The following PTBP2 variants were observed in gnomAD, a reference collection of about 807,000 sequenced individuals.
PTBP2 encodes polypyrimidine tract-binding protein 2.
A neutral mutation model predicts 61.4 loss-of-function variants in PTBP2; 13 were observed. The ratio of observed to expected loss-of-function variants is 0.21; its 90% CI spans 0.14 to 0.34. The LOEUF (loss-of-function observed/expected upper bound fraction) is 0.34. Ranked by LOEUF, PTBP2 falls within the 10% of genes least tolerant of loss-of-function variation. The pLI, the probability that PTBP2 is intolerant of heterozygous loss-of-function variation, is 1.00. For synonymous variants in PTBP2, 215 were observed against 218.5 expected (o/e 0.98, Z 0.14); for missense variants, 405 against 642.6 (o/e 0.63, Z 4.00).
intron 2 of PTBP2, among the ~76,000 whole-genome samples, chr1:96,728,922 A>C (rs1213718352): frequency 6.6e-6 from 1 of 151,804 alleles, no homozygotes; most frequent in East Asian, 1.9e-4. Flanking sequence ...TTAAAAACTT[A>C]ATTTCCAATT....
chr1:96,759,164 T>C (rs1449175679), intron 3 of PTBP2, among the ~76,000 whole-genome samples: 1 of 152,174 alleles, frequency 6.6e-6, no homozygotes, highest in Admixed American at 6.5e-5. Context: ...GTAGACCATG[T>C]TCATGAATTA....
exon 14 of PTBP2, chr1:96,820,679 CAG>C (rs1662658159): frequency 6.6e-6 from 1 of 151,988 alleles, no homozygotes; most frequent in South Asian, 2.1e-4. Flanking sequence ...AAGCAAACTT[CAG>C]GTCTTTTTCA....
chr1:96,724,718 AG>A (rs1161257001), intron 2 of PTBP2, among the ~76,000 whole-genome samples: 1 of 24,310 alleles, frequency 4.1e-5, no homozygotes, highest in East Asian at 1.5e-3. Flanking sequence ...TATAGGGGGG[AG>A]GGGGGAGGGA....
chr1:96,778,636 A>G (rs991202819), intron 7 of PTBP2, among the ~76,000 whole-genome samples: 2 of 152,060 alleles, frequency 1.3e-5, no homozygotes, highest in Non-Finnish European at 2.9e-5. Flanking sequence ...TATTATTACT[A>G]TTCCATTATT....
chr1:96,777,323 A>C (rs1350274185), intron 5 of PTBP2, among the ~76,000 whole-genome samples: 1 of 152,196 alleles, frequency 6.6e-6, no homozygotes, highest in Admixed American at 6.6e-5. Context: ...TTGAGAATAA[A>C]TTACATATCA....
At chr1:96,728,815 AT>A (rs368839720) in intron 2 of PTBP2, among the ~76,000 whole-genome samples, 19,265 of 110,034 alleles carry the variant, frequency 0.18, 1,809 homozygotes, top group African/African-American at 0.3. Context: ...TTCTTTAAGC[AT>A]TTTTTTTTTT....
At chr1:96,749,806 G>A (rs1222190665) in intron 2 of PTBP2, 3 of 346,650 alleles carry the variant, frequency 8.7e-6, no homozygotes, top group South Asian at 2.2e-5. Flanking sequence ...CACTGTTCGT[G>A]TATAATTTAA....
intron 2 of PTBP2, among the ~76,000 whole-genome samples, chr1:96,738,524 C>T (rs904158175): frequency 6.6e-6 from 1 of 152,118 alleles, no homozygotes; most frequent in Non-Finnish European, 1.5e-5. Flanking sequence ...CCGCCCGCCT[C>T]GGAAATACTT....
chr1:96,771,164 C>G (rs1181885528), intron 5 of PTBP2: 1 of 168,196 alleles, frequency 5.9e-6, no homozygotes, highest in Non-Finnish European at 1.3e-5. Flanking sequence ...GTAAGAAGTT[C>G]AGTGCCTTTG....
At chr1:96,799,313 T>TTTTTTTTTTTTTTTTTTTTTTTTTGGG (rs59119267) in intron 8 of PTBP2, among the ~76,000 whole-genome samples, 1 of 146,376 alleles carries the variant, frequency 6.8e-6, no homozygotes, top group African/African-American at 2.6e-5. Flanking sequence ...TTTTTTTTTT[T>TTTTTTTTTTTTTTTTTTTTTTTTTGGG]GAGATGGAGT....
Position 96,806,971 on chromosome 1 carries a change from T to C in PTBP2, c.1171+13T>C, listed in dbSNP as rs527789661. 5.7e-6 allele frequency: 9 copies of C among 1,566,434 alleles called. No individual in the cohort carries two copies. In the East Asian group the frequency reaches 2.0e-4, roughly 35 times the overall value. On this transcript the variant is annotated intron_variant, in intron 11 of 13. Coordinates refer to ENST00000674951, the MANE Select transcript of PTBP2 (RefSeq NM_021190.4). ...CAATCACAACTTGGTAAGATTAAAC[T>C]ATGTTTTATCTATACATCTTCACTT...
exon 14 of PTBP2, chr1:96,820,760 T>C (rs1662660920): frequency 6.6e-6 from 1 of 152,178 alleles, no homozygotes; most frequent in South Asian, 2.1e-4. Context: ...TGCTGCCTTT[T>C]AAGAAATTAA....
intron 5 of PTBP2, among the ~76,000 whole-genome samples, chr1:96,775,617 TG>T (rs1338492040): frequency 6.6e-6 from 1 of 152,174 alleles, no homozygotes; most frequent in Admixed American, 6.5e-5. Flanking sequence ...GTTTTTTATC[TG>T]GGTAATTATT....
At chr1:96,782,075 T>C (rs546138401) in intron 7 of PTBP2, among the ~76,000 whole-genome samples, 1 of 152,144 alleles carries the variant, frequency 6.6e-6, no homozygotes, top group African/African-American at 2.4e-5. Flanking sequence ...AAAATTGTTT[T>C]TACATAGTCC....
chr1:96,762,661 G>A (rs1397076098), intron 3 of PTBP2, among the ~76,000 whole-genome samples: 7 of 149,282 alleles, frequency 4.7e-5, no homozygotes, highest in African/African-American at 1.3e-4. Context: ...GCGGCTGGCC[G>A]GGCGGGGGTC....
At chr1:96,809,491 G>A (rs1248394159) in intron 11 of PTBP2, among the ~76,000 whole-genome samples, 2 of 152,024 alleles carry the variant, frequency 1.3e-5, no homozygotes, top group Non-Finnish European at 2.9e-5. Context: ...ATAAGTCTCA[G>A]TATTGCATGA....
chr1:96,791,896 C>G (rs1212815029), intron 8 of PTBP2, among the ~76,000 whole-genome samples: 4 of 136,336 alleles, frequency 2.9e-5, no homozygotes, highest in African/African-American at 1.1e-4. Context: ...CAGTGGCATG[C>G]AATCTCGGCT....
chr1:96,764,393 T>C (rs1656411700), intron 3 of PTBP2, among the ~76,000 whole-genome samples: 2 of 152,248 alleles, frequency 1.3e-5, no homozygotes, highest in African/African-American at 2.4e-5. Context: ...TAGCAGTGAC[T>C]ATGAGGCTTG....
intron 2 of PTBP2, 68 bp downstream of exon 2, chr1:96,723,662 C>T: frequency 2.8e-6 from 4 of 1,416,300 alleles, no homozygotes; most frequent in South Asian, 1.4e-5. Flanking sequence ...AAAATTTTAG[C>T]TTTTGCTTTT....
Sources: allele counts gnomAD v4.1 joint callset (sites outside exome capture counted in the v4.1 genomes callset), GRCh38; gene constraint gnomAD v4.1.1; transcripts MANE v1.5; gene names NCBI Gene and HGNC (gene_info 2026-07-23, HGNC 2026-07-21).